Variants in SLC30A8 observed in about 807,000 individuals in gnomAD.
The protein encoded by SLC30A8 is proton-coupled zinc antiporter SLC30A8.
SLC30A8 carries 27 observed loss-of-function variants against 36.9 expected under a neutral mutation model. The observed-to-expected ratio is 0.73, with a 90% CI of 0.54 to 1.01. SLC30A8 has a LOEUF of 1.01. SLC30A8 is among the 50% of genes least tolerant of loss of function. The probability of loss-of-function intolerance (pLI) is 0.00; values close to 1 mark genes in which losing one functional copy is unlikely to be tolerated. For synonymous variants in SLC30A8, 164 were observed against 172.4 expected (o/e 0.95, Z 0.38); for missense variants, 439 against 452.0 (o/e 0.97, Z 0.26).
intron 1 of SLC30A8, among the ~76,000 whole-genome samples, chr8:117,145,922 C>T (rs968343491): frequency 1.3e-5 from 2 of 151,898 alleles, no homozygotes; most frequent in African/African-American, 4.8e-5. Context: ...AAGTGGCTCT[C>T]GTGAAGATAA....
chr8:117,103,817 G>A (rs1819841402), intron 2 of SLC30A8, among the ~76,000 whole-genome samples: 1 of 152,074 alleles, frequency 6.6e-6, no homozygotes, highest in Admixed American at 6.6e-5. Context: ...CCTGTTTCCT[G>A]CCTGTAGAAT....
intron 7 of SLC30A8, 139 bp downstream of exon 7, chr8:117,171,307 C>T: frequency 1.1e-6 from 1 of 931,806 alleles, no homozygotes; most frequent in South Asian, 1.5e-5. Flanking sequence ...TTACCAAGGG[C>T]CTTTGAAACC....
intron 1 of SLC30A8, among the ~76,000 whole-genome samples, chr8:117,005,499 C>T (rs971023375): frequency 6.6e-6 from 1 of 152,164 alleles, no homozygotes; most frequent in African/African-American, 2.4e-5. Context: ...GTTGATTCCA[C>T]CTCTTGGCTA....
chr8:117,064,457 A>G (rs372307473), intron 2 of SLC30A8, among the ~76,000 whole-genome samples: 91 of 152,338 alleles, frequency 6.0e-4, no homozygotes, highest in African/African-American at 1.9e-3. Flanking sequence ...TGAAGTGATC[A>G]TATAGCTGAT....
intron 1 of SLC30A8, among the ~76,000 whole-genome samples, chr8:117,008,602 A>C (rs1026194352): frequency 1.3e-5 from 2 of 152,218 alleles, no homozygotes; most frequent in African/African-American, 2.4e-5. Context: ...AGAGTGGACT[A>C]TCTCTGCCAT....
chr8:117,113,627 A>C (rs1820324831), intron 2 of SLC30A8, among the ~76,000 whole-genome samples: 1 of 152,198 alleles, frequency 6.6e-6, no homozygotes, highest in Non-Finnish European at 1.5e-5. Flanking sequence ...TCTACCATTC[A>C]GAGATGTGAG....
intron 6 of SLC30A8, among the ~76,000 whole-genome samples, chr8:117,165,417 G>A (rs150024266): frequency 6.6e-5 from 10 of 152,256 alleles, no homozygotes; most frequent in Non-Finnish European, 8.8e-5. Context: ...TCAATTTTTG[G>A]TTATAAACTG....
At chr8:117,055,278 A>G (rs1817835948) in intron 2 of SLC30A8, among the ~76,000 whole-genome samples, 1 of 152,226 alleles carries the variant, frequency 6.6e-6, no homozygotes, top group Non-Finnish European at 1.5e-5. Flanking sequence ...AAGAATAGAA[A>G]AGCTGTGGCA....
rs369809502 is a variant in SLC30A8, at chr8:117,125,238, T to C, written c.-225-10042T>C. Among the ~76,000 whole-genome samples the C allele has an allele frequency of 2.6e-5, 4 of 151,988 alleles. No homozygotes were observed. The East Asian group carries it at 7.8e-4, about 30-fold the overall frequency. On this transcript the variant is annotated intron_variant, in intron 2 of 10. Coordinates refer to the SLC30A8 transcript ENST00000427715. ...AGATTCTTGAATCTAGTCTCCAAAT[T>C]TGCATATGTAGTTTTGTCTTATGGG...
chr8:117,047,859 C>T (rs924657842), intron 2 of SLC30A8, among the ~76,000 whole-genome samples: 10 of 152,152 alleles, frequency 6.6e-5, no homozygotes, highest in Admixed American at 4.6e-4. Flanking sequence ...CAAAACCCAC[C>T]AAAACCAAGA....
At chr8:117,014,140 T>C (rs1288669119) in intron 1 of SLC30A8, among the ~76,000 whole-genome samples, 4 of 152,294 alleles carry the variant, frequency 2.6e-5, no homozygotes, top group Non-Finnish European at 1.5e-5. Flanking sequence ...CAACCTAATA[T>C]AGGGGCACAT....
At chr8:117,113,656 G>A (rs868806530) in intron 2 of SLC30A8, among the ~76,000 whole-genome samples, 1 of 152,082 alleles carries the variant, frequency 6.6e-6, no homozygotes, top group African/African-American at 2.4e-5. Context: ...TTGCCAAGGC[G>A]CCAGCATGCA....
intron 2 of SLC30A8, among the ~76,000 whole-genome samples, chr8:117,094,633 GA>G (rs151009945): frequency 0.059 from 8,938 of 152,226 alleles, 305 homozygotes; most frequent in East Asian, 0.12. Flanking sequence ...GGTGGGCCTG[GA>G]AAAAGCACCG....
chr8:117,126,041 T>C (rs545431267), intron 2 of SLC30A8, among the ~76,000 whole-genome samples: 1 of 151,988 alleles, frequency 6.6e-6, no homozygotes, highest in Non-Finnish European at 1.5e-5. Context: ...CCCCCCTCGA[T>C]GAAGCACAGA....
intron 4 of SLC30A8, 34 bp downstream of exon 4, chr8:117,157,878 T>C: frequency 6.2e-7 from 1 of 1,610,046 alleles, no homozygotes; most frequent in Non-Finnish European, 8.5e-7. Flanking sequence ...ACACTGCTCA[T>C]GAGGCTCTCC....
At chr8:117,136,333 A>G (rs570374804) in intron 1 of SLC30A8, among the ~76,000 whole-genome samples, 9 of 152,122 alleles carry the variant, frequency 5.9e-5, no homozygotes, top group Admixed American at 5.2e-4. Context: ...TTGAATCTGA[A>G]TGGGGTTCAA....
At chr8:117,158,684 G>C (rs912767617) in intron 4 of SLC30A8, among the ~76,000 whole-genome samples, 1 of 152,182 alleles carries the variant, frequency 6.6e-6, no homozygotes, top group Non-Finnish European at 1.5e-5. Flanking sequence ...CCAGGCAATG[G>C]GGTTTTGAGG....
chr8:117,016,343 A>G (rs546889728), intron 1 of SLC30A8, among the ~76,000 whole-genome samples: 14 of 152,322 alleles, frequency 9.2e-5, no homozygotes, highest in African/African-American at 2.6e-4. Flanking sequence ...GGTTTCAAAC[A>G]TTCTTTCTGC....
At chr8:117,130,783 A>G (rs1192980614), upstream of SLC30A8, among the ~76,000 whole-genome samples, 1 of 151,982 alleles carries the variant, frequency 6.6e-6, no homozygotes, top group Non-Finnish European at 1.5e-5. Flanking sequence ...TCTCACCTAG[A>G]GGGCGTTTTT....
Sources: allele counts gnomAD v4.1 joint callset (sites outside exome capture counted in the v4.1 genomes callset), GRCh38; gene constraint gnomAD v4.1.1; transcripts MANE v1.5; gene names NCBI Gene and HGNC (gene_info 2026-07-23, HGNC 2026-07-21).